PSD2: variants seen among roughly 807,000 people sequenced by gnomAD.
PSD2 encodes the protein pleckstrin and Sec7 domain containing 2.
Under a neutral mutation model 69.8 loss-of-function variants are expected in PSD2, and 38 were observed. The observed-to-expected ratio is 0.54, with a 90% CI of 0.42 to 0.71. The LOEUF is 0.71. Ranked by LOEUF, PSD2 falls within the 30% of genes least tolerant of loss-of-function variation. The pLI, the probability that PSD2 is intolerant of heterozygous loss-of-function variation, is 0.00. For synonymous variants in PSD2, 412 were observed against 423.0 expected (o/e 0.97, Z 0.32); for missense variants, 943 against 1,014.5 (o/e 0.93, Z 0.96).
chr5:139,792,640 G>GA (rs1759433420), upstream of PSD2, among the ~76,000 whole-genome samples: 1 of 152,210 alleles, frequency 6.6e-6, no homozygotes, highest in Non-Finnish European at 1.5e-5. Context: ...TTCCCTTGAG[G>GA]AATGGGGGAA....
chr5:139,759,152 C>T, the PSD2 span, among the ~76,000 whole-genome samples: 1 of 152,112 alleles, frequency 6.6e-6, no homozygotes, highest in Non-Finnish European at 1.5e-5. Flanking sequence ...CCATGGCCTC[C>T]CCCATTCTCC....
chr5:139,824,821 T>C (rs1422457437), intron 7 of PSD2, among the ~76,000 whole-genome samples: 1 of 152,054 alleles, frequency 6.6e-6, no homozygotes, highest in Non-Finnish European at 1.5e-5. Context: ...TTTGCACTTT[T>C]CCCCTTGCCT....
rs760541964 is a variant in PSD2 at position 139,842,982 on chromosome 5, C to G, written c.*508C>G. On this transcript the variant is annotated 3_prime_UTR_variant, in exon 15 of 15. Coordinates refer to ENST00000274710, the MANE Select transcript of PSD2 (RefSeq NM_032289.4). ...GCCTCCAGAACCATGCCCAGGTCTC[C>G]TGCCTCACATCACAATAATCTGGGA... 1.3e-5 allele frequency: 2 copies of G among 156,046 alleles called. No individual in the cohort carries two copies. Among genetic ancestry groups the G allele is most frequent in the Non-Finnish European group, 2.9e-5 (2 of 69,996 alleles). 9.7% of individuals were successfully genotyped at this position (156,046 alleles called of 1,614,324 possible).
At chr5:139,768,757 T>C in the PSD2 span, among the ~76,000 whole-genome samples, 1 of 149,400 alleles carries the variant, frequency 6.7e-6, no homozygotes, top group Non-Finnish European at 1.5e-5. Flanking sequence ...CCCTCCCTCC[T>C]GGGCTGGATG....
chr5:139,745,693 C>T, the PSD2 span, among the ~76,000 whole-genome samples: 1 of 152,226 alleles, frequency 6.6e-6, no homozygotes, highest in African/African-American at 2.4e-5. Flanking sequence ...TTGCCCAGTG[C>T]CACTCCCTTC....
At chr5:139,807,629 A>G (rs1759845143) in intron 1 of PSD2, among the ~76,000 whole-genome samples, 1 of 152,122 alleles carries the variant, frequency 6.6e-6, no homozygotes, top group South Asian at 2.1e-4. Context: ...TCAAAATTCT[A>G]GGAGGTGAGG....
the PSD2 span, among the ~76,000 whole-genome samples, chr5:139,755,457 A>G: frequency 1.3e-5 from 2 of 151,842 alleles, no homozygotes; most frequent in South Asian, 4.2e-4. Context: ...ATATTGTTGC[A>G]TGTTTGTGTT....
the PSD2 span, among the ~76,000 whole-genome samples, chr5:139,767,679 C>T: frequency 4.6e-5 from 7 of 152,182 alleles, no homozygotes; most frequent in African/African-American, 1.7e-4. Flanking sequence ...CTACCTACTT[C>T]CCAGGAGAGC....
At chr5:139,792,855 TGTCTTTCC>T (rs1399996458), upstream of PSD2, among the ~76,000 whole-genome samples, 2 of 108,488 alleles carry the variant, frequency 1.8e-5, no homozygotes, top group South Asian at 3.7e-4. Flanking sequence ...TTTTTCTTTC[TGTCTTTCC>T]TTCCTTCCTT....
At chr5:139,810,711 A>G (rs1759935580) in intron 2 of PSD2, among the ~76,000 whole-genome samples, 1 of 152,096 alleles carries the variant, frequency 6.6e-6, no homozygotes, top group Admixed American at 6.5e-5. Flanking sequence ...GTATGTGAGT[A>G]TGTGTCTGTG....
the PSD2 span, among the ~76,000 whole-genome samples, chr5:139,766,924 C>CTTTCTTT: frequency 6.0e-4 from 20 of 33,080 alleles, 2 homozygotes; most frequent in African/African-American, 1.5e-3. Flanking sequence ...TTCCTTCCTT[C>CTTTCTTT]CTTCCCTTCT....
At chr5:139,766,968 T>TCTTC in the PSD2 span, among the ~76,000 whole-genome samples, 11 of 143,414 alleles carry the variant, frequency 7.7e-5, no homozygotes, top group South Asian at 2.3e-4. Context: ...TTTCTTTCTT[T>TCTTC]CTTTCTTTCT....
In PSD2 at chr5:139,809,635, TG is replaced by T; in HGVS notation, c.196del (p.Val66TrpfsTer16). 1 of 1,614,260 alleles carries T rather than the reference TG, an allele frequency of 6.2e-7. No homozygotes were observed. The highest frequency in any genetic ancestry group is 8.5e-7 in the Non-Finnish European group (1 of 1,180,038). ...DTEEPTKDPD[V>X]AFHGLSLGLS... ...CTGAGGAACCCACGAAGGACCCAGATGTGGCCTTCCATGGCCTCAGCCTTGG... is the reference window on the plus strand; with the variant it reads ...CTGAGGAACCCACGAAGGACCCAGATTGGCCTTCCATGGCCTCAGCCTTGG... On this transcript the variant is annotated frameshift_variant, in exon 2 of 15. Transcript: ENST00000274710. LOFTEE classifies it high-confidence loss of function.
chr5:139,746,411 G>A, the PSD2 span, among the ~76,000 whole-genome samples: 1 of 152,204 alleles, frequency 6.6e-6, no homozygotes, highest in Non-Finnish European at 1.5e-5. This position sits in a 1 kb window ranked among gnomAD's most constrained non-coding sequence, Gnocchi z 4.5. Flanking sequence ...CGCGCGCCCT[G>A]CAGAAGGCGG....
chr5:139,771,760 C>T, the PSD2 span, among the ~76,000 whole-genome samples: 35 of 152,290 alleles, frequency 2.3e-4, 1 homozygote, highest in South Asian at 6.6e-3. Context: ...CCTGGTGTGC[C>T]ACAGGCTATT....
intron 14 of PSD2, among the ~76,000 whole-genome samples, chr5:139,841,220 T>G (rs188469897): frequency 3.9e-5 from 6 of 152,348 alleles, no homozygotes; most frequent in Non-Finnish European, 7.3e-5. Flanking sequence ...TTCCTTTCTT[T>G]TTAACCCATT....
the PSD2 span, among the ~76,000 whole-genome samples, chr5:139,783,620 A>G: frequency 6.6e-6 from 1 of 152,182 alleles, no homozygotes; most frequent in Non-Finnish European, 1.5e-5. Context: ...AATTGTAGAC[A>G]GGGTCTTGCT....
At position 139,814,069 on chromosome 5, in the gene PSD2, C is replaced by A. The variant is rs1760050776; in HGVS notation, c.822-101C>A. ...TGGAGCTTCTTTCCCTGTTCTGGCC[C>A]CTACATGGTTTGCAGTGGCCTGGGG... On this transcript the variant is annotated intron_variant, in intron 3 of 14. Transcript: ENST00000274710. The surrounding 1 kb of genome is among the most constrained non-coding windows in gnomAD (Gnocchi z 4.4). 6 of 1,126,696 alleles carry A rather than the reference C, an allele frequency of 5.3e-6. No homozygotes were observed. The highest frequency in any genetic ancestry group is 7.8e-6 in the Non-Finnish European group (6 of 768,140). The allele number at this position is 1,126,696 out of a possible 1,614,324, so 69.8% of individuals were successfully genotyped here.
At chr5:139,825,705 G>C (rs528701514) in intron 7 of PSD2, among the ~76,000 whole-genome samples, 4 of 151,156 alleles carry the variant, frequency 2.6e-5, no homozygotes, top group Non-Finnish European at 3.0e-5. Context: ...GAGTGGGAGA[G>C]GGGGACTTGA....
Sources: gnomAD v4.1 joint callset for allele counts (sites outside exome capture counted in the v4.1 genomes callset) on GRCh38, gnomAD v4.1.1 for gene constraint, Gnocchi (gnomAD v3.1) non-coding constraint, MANE v1.5 for transcripts, NCBI Gene and HGNC (gene_info 2026-07-23, HGNC 2026-07-21) for gene names.